The following ACOX3 variants were observed in gnomAD, a reference collection of about 807,000 sequenced individuals.
ACOX3 encodes the protein peroxisomal acyl-coenzyme A oxidase 3.
A neutral mutation model predicts 81.5 loss-of-function variants in ACOX3; 73 were observed. The observed-to-expected ratio is 0.90, with a 90% confidence interval of 0.74 to 1.09. The LOEUF (loss-of-function observed/expected upper bound fraction) is 1.09. ACOX3 is among the 50% of genes least tolerant of loss of function. The pLI is 0.00. For synonymous variants in ACOX3, 387 were observed against 375.1 expected (o/e 1.03, Z -0.37); for missense variants, 947 against 928.0 (o/e 1.02, Z -0.27).
At chr4:8,369,793 G>A (rs1241299053) in intron 17 of ACOX3, among the ~76,000 whole-genome samples, 1 of 152,246 alleles carries the variant, frequency 6.6e-6, no homozygotes, top group Admixed American at 6.5e-5. Flanking sequence ...AGACCCAGGT[G>A]CTTCAGCAGG....
chr4:8,404,033 G>A (rs184392680), intron 7 of ACOX3, among the ~76,000 whole-genome samples: 23 of 152,334 alleles, frequency 1.5e-4, no homozygotes, highest in African/African-American at 5.5e-4. Flanking sequence ...ATAAAAGGAT[G>A]CAGATTCTCC....
intron 16 of ACOX3, among the ~76,000 whole-genome samples, chr4:8,371,827 G>A (rs1034278644): frequency 7.9e-5 from 12 of 152,388 alleles, no homozygotes; most frequent in African/African-American, 2.2e-4. Context: ...AACGTGTTCC[G>A]TAAGGGTCCA....
At chr4:8,375,643 G>A (rs1197556137) in intron 14 of ACOX3, among the ~76,000 whole-genome samples, 1 of 152,170 alleles carries the variant, frequency 6.6e-6, no homozygotes, top group Non-Finnish European at 1.5e-5. Context: ...GTCCTCCAAA[G>A]CCTCCAAAGC....
chr4:8,361,425 C>CAAAAAGAAAAAAAAAAAAAAAAAAAA (rs1715231777), downstream of ACOX3, among the ~76,000 whole-genome samples: 1 of 39,036 alleles, frequency 2.6e-5, no homozygotes, highest in Non-Finnish European at 4.2e-5. Flanking sequence ...GACTCTATCT[C>CAAAAAGAAAAAAAAAAAAAAAAAAAA]AAAAAAAAAA....
rs529541400 is a variant in ACOX3 at position 8,406,885 on chromosome 4, C to T, written c.688-842G>A. 4.6e-5 allele frequency among the ~76,000 whole-genome samples: 7 copies of T among 152,304 alleles called. No individual in the cohort carries two copies. The South Asian group carries it at 8.3e-4, about 18-fold the overall frequency. Reference sequence around the variant, plus strand: ...CATCACAGGGAGACGGTTAGTCCTCCGGATAACTGCGGGCAAGCCTGACAA... The same window carrying T: ...CATCACAGGGAGACGGTTAGTCCTCTGGATAACTGCGGGCAAGCCTGACAA... On this transcript the variant is annotated intron_variant, in intron 6 of 17. Transcript: ENST00000356406. This position sits in a 1 kb window ranked among gnomAD's most constrained non-coding sequence, Gnocchi z 5.6.
intron 17 of ACOX3, among the ~76,000 whole-genome samples, chr4:8,367,806 CAAAAAAAAAAAAA>C (rs535574857): frequency 6.4e-5 from 3 of 46,714 alleles, no homozygotes; most frequent in East Asian, 1.2e-3. Context: ...CCCATCTTTA[CAAAAAAAAAAAAA>C]AAAAAAAAAA....
intron 11 of ACOX3, among the ~76,000 whole-genome samples, chr4:8,391,031 GTGTATATGTATA>G (rs57021460): frequency 0.24 from 35,348 of 148,116 alleles, 4,714 homozygotes; most frequent in African/African-American, 0.37. Flanking sequence ...GTATATGTAT[GTGTATATGTATA>G]TGTATATGTA....
At position 8,409,313 on chromosome 4, in the gene ACOX3, T is replaced by C. The variant is rs192250413; in HGVS notation, c.687+899A>G. Among the ~76,000 whole-genome samples the C allele has an allele frequency of 5.2e-4, 79 of 152,212 alleles. No individual in the cohort carries two copies. In the East Asian group the frequency reaches 6.4e-3, roughly 12 times the overall value. On this transcript the variant is annotated intron_variant, in intron 6 of 17. Coordinates refer to ENST00000356406, the MANE Select transcript of ACOX3 (RefSeq NM_003501.3). ...CTCTCAGCTGTGTCACTGGGGGACA[T>C]TGGGCTGGATGTTTCTTTCTAAGGC...
rs868143118 is a variant in ACOX3, at chr4:8,368,201, G to A, written c.1984-1121C>T. On this transcript the variant is annotated intron_variant, in intron 17 of 17. Transcript: ENST00000356406. The surrounding 1 kb of genome is among the most constrained non-coding windows in gnomAD (Gnocchi z 5.9). ...CTTACTGGCTGATTTCTGGACCTGG[G>A]CCACCACACCCTGCTCCTCTGGTCC... 6.6e-6 allele frequency among the ~76,000 whole-genome samples: 1 copy of A among 152,196 alleles called. No individual in the cohort carries two copies. Among genetic ancestry groups the A allele is most frequent in the Non-Finnish European group, 1.5e-5 (1 of 68,042 alleles).
chr4:8,429,575 A>G (rs189914383), intron 1 of ACOX3, among the ~76,000 whole-genome samples: 3 of 152,200 alleles, frequency 2.0e-5, no homozygotes, highest in African/African-American at 4.8e-5. Context: ...AGCTTGCACA[A>G]GTTAAGTCCT....
chr4:8,425,089 G>T (rs189595015), intron 1 of ACOX3, among the ~76,000 whole-genome samples: 14 of 152,268 alleles, frequency 9.2e-5, no homozygotes, highest in Non-Finnish European at 1.8e-4. Flanking sequence ...CCTAACTTCC[G>T]AGGGAACACC....
intron 13 of ACOX3, among the ~76,000 whole-genome samples, chr4:8,388,146 G>A (rs1056529758): frequency 6.6e-6 from 1 of 152,062 alleles, no homozygotes; most frequent in Non-Finnish European, 1.5e-5. Flanking sequence ...TCCATCGGGG[G>A]TCCCCATGGC....
Position 8,373,373 on chromosome 4 carries a change from CTAAGGGGGTGCGTGTCGGTCTGGG to C in ACOX3, c.1896+164_1896+187del, listed in dbSNP as rs552747723. Among the ~76,000 whole-genome samples, 228 of 150,382 alleles carry C rather than the reference CTAAGGGGGTGCGTGTCGGTCTGGG, an allele frequency of 1.5e-3. 1 individual carries two copies. The highest frequency in any genetic ancestry group is 1.9e-3 in the East Asian group (10 of 5,132). ...CGGTGTGTGTCAGCTCTGGGTGATG[CTAAGGGGGTGCGTGTCGGTCTGGG>C]TAAGGGGGTGCGTGTAGGCTCTGGG... On this transcript the variant is annotated intron_variant, in intron 16 of 17. Transcript: ENST00000356406.
Position 8,389,245 on chromosome 4 carries a change from G to C in ACOX3, c.1465C>G (p.Leu489Val), listed in dbSNP as rs145751243. 1.6e-5 allele frequency: 26 copies of C among 1,613,880 alleles called. 1 individual carries two copies. In the South Asian group the frequency reaches 2.6e-4, roughly 16 times the overall value. ...FRSPLKSVDF[L>V]DAYPGILDQK... Reference sequence around the variant, plus strand: ...TCAAGGATGCCGGGATAGGCGTCCAGAAAGTCCACTGACTTCAGCGGACTG... The same window carrying C: ...TCAAGGATGCCGGGATAGGCGTCCACAAAGTCCACTGACTTCAGCGGACTG... The change falls in exon 13 of 18, where the codon CTG becomes GTG. Residue 489 changes from leucine to valine, a missense_variant. Physicochemically the swap from Leu to Val is conservative, Grantham distance 32 (BLOSUM62 1). Transcript: ENST00000356406. This position sits in a 1 kb window ranked among gnomAD's most constrained non-coding sequence, Gnocchi z 5.3.
chr4:8,410,172 G>A (rs1345848088), intron 6 of ACOX3, 40 bp downstream of exon 6: 2 of 1,596,420 alleles, frequency 1.3e-6, no homozygotes, highest in Admixed American at 1.7e-5. Flanking sequence ...CTTCCTGGGG[G>A]TAAACACTGC....
rs562214575 is a variant in ACOX3 at position 8,386,810 on chromosome 4, G to A, written c.1537+2363C>T. On this transcript the variant is annotated intron_variant, in intron 13 of 17. Transcript: ENST00000356406. The surrounding 1 kb of genome is among the most constrained non-coding windows in gnomAD (Gnocchi z 5.2). ...GCCGGACCGGCCCAGGCTCCACACC[G>A]GCTTCGGCCACGGCTGTTGTCCTGT... Among the ~76,000 whole-genome samples the A allele has an allele frequency of 1.3e-5, 2 of 152,362 alleles. No individual in the cohort carries two copies. Among genetic ancestry groups the A allele is most frequent in the South Asian group, 4.1e-4 (2 of 4,828 alleles).
Position 8,416,231 on chromosome 4 carries a change from T to C in ACOX3, c.144+147A>G. The C allele has an allele frequency of 7.4e-7, 1 of 1,344,280 alleles. No homozygotes were observed. Among genetic ancestry groups the C allele is most frequent in the South Asian group, 1.3e-5 (1 of 79,396 alleles). 83.3% of individuals were successfully genotyped at this position (1,344,280 alleles called of 1,614,324 possible). On this transcript the variant is annotated intron_variant, in intron 2 of 17. Coordinates refer to ENST00000356406, the MANE Select transcript of ACOX3 (RefSeq NM_003501.3). This position sits in a 1 kb window ranked among gnomAD's most constrained non-coding sequence, Gnocchi z 4.2. ...CTCATCAATTCCCTGAGGCCTGTCC[T>C]GGGGTGCAGAGAGGAGAGAGGCCGC...
chr4:8,404,951 C>T (rs770978483), intron 7 of ACOX3, among the ~76,000 whole-genome samples: 5 of 152,062 alleles, frequency 3.3e-5, no homozygotes, highest in Non-Finnish European at 5.9e-5. Context: ...CGTGTGGAGT[C>T]CAGCATTCGC....
At chr4:8,374,950 A>G (rs1327948468) in intron 15 of ACOX3, 28 bp downstream of exon 15, 2 of 1,473,320 alleles carry the variant, frequency 1.4e-6, no homozygotes, top group South Asian at 2.7e-5. Flanking sequence ...TCTGGGGAGG[A>G]CAGCAAGCCC....
Sources: allele counts gnomAD v4.1 joint callset (sites outside exome capture counted in the v4.1 genomes callset), GRCh38; gene constraint gnomAD v4.1.1; non-coding constraint Gnocchi (gnomAD v3.1); transcripts MANE v1.5; gene names NCBI Gene and HGNC (gene_info 2026-07-23, HGNC 2026-07-21).